The following DLG1 variants were observed in gnomAD, a reference collection of about 807,000 sequenced individuals.
DLG1 encodes disks large homolog 1.
DLG1 carries 42 observed loss-of-function variants against 123.4 expected under a neutral mutation model. That is an observed-to-expected ratio of 0.34 (90% CI 0.27 to 0.44). The LOEUF (loss-of-function observed/expected upper bound fraction) is 0.44. DLG1 is among the 20% of genes least tolerant of loss of function. The pLI is 1.00. For missense variants in DLG1, 942 were observed against 1,082.6 expected, an observed-to-expected ratio of 0.87 and a Z score of 1.82; for synonymous variants, 317 against 356.2, an observed-to-expected ratio of 0.89 and a Z score of 1.24.
At chr3:197,247,769 A>G (rs1234831012) in intron 4 of DLG1, among the ~76,000 whole-genome samples, 1 of 152,134 alleles carries the variant, frequency 6.6e-6, no homozygotes, top group Non-Finnish European at 1.5e-5. Flanking sequence ...TATTAGCCTT[A>G]TACTTTCTGT....
intron 5 of DLG1, among the ~76,000 whole-genome samples, chr3:197,168,267 G>C (rs1802388889): frequency 6.6e-6 from 1 of 152,116 alleles, no homozygotes; most frequent in Non-Finnish European, 1.5e-5. Context: ...AAGAACATAG[G>C]CCCCTGCCTC....
At chr3:197,054,334 C>T (rs74334660) in intron 23 of DLG1, among the ~76,000 whole-genome samples, 78 of 85,324 alleles carry the variant, frequency 9.1e-4, no homozygotes, top group Admixed American at 3.1e-3. Flanking sequence ...TCTCTGCCTT[C>T]TCTCTATTCT....
At chr3:197,162,034 G>A (rs1798981325) in intron 5 of DLG1, among the ~76,000 whole-genome samples, 1 of 152,174 alleles carries the variant, frequency 6.6e-6, no homozygotes, top group Non-Finnish European at 1.5e-5. Context: ...TTCTCTGGGA[G>A]ATAAGACACT....
At chr3:197,129,908 A>G (rs141861045) in intron 11 of DLG1, among the ~76,000 whole-genome samples, 2 of 152,306 alleles carry the variant, frequency 1.3e-5, no homozygotes, top group Admixed American at 6.5e-5. Flanking sequence ...TTAAAATAGT[A>G]ACATCAAAGA....
At chr3:197,051,059 A>C (rs1350330891) in intron 24 of DLG1, among the ~76,000 whole-genome samples, 4 of 152,178 alleles carry the variant, frequency 2.6e-5, no homozygotes, top group Non-Finnish European at 5.9e-5. Context: ...GTTCTAATCA[A>C]TAACCTAAGA....
intron 23 of DLG1, 149 bp from the exon 24 acceptor site, chr3:197,051,817 C>T: frequency 1.0e-4 from 42 of 419,108 alleles, no homozygotes; most frequent in Middle Eastern, 1.4e-3. Flanking sequence ...TTGAGTCATT[C>T]TGGTCATTTC....
rs148452944 is a variant in DLG1 at position 197,126,489 on chromosome 3, C to T, written c.1165+4038G>A. ...TCTTAAAAAAAAAAAACAACATAATCATAATCAGGGCACTAATACTCAATT... is the reference window on the plus strand; with the variant it reads ...TCTTAAAAAAAAAAAACAACATAATTATAATCAGGGCACTAATACTCAATT... On this transcript the variant is annotated intron_variant, in intron 11 of 24. Transcript: ENST00000667157. 3.8e-4 allele frequency among the ~76,000 whole-genome samples: 57 copies of T among 151,280 alleles called. 1 individual carries two copies. In the East Asian group the frequency reaches 0.011, roughly 28 times the overall value.
chr3:197,271,513 C>A (rs1006100558), intron 4 of DLG1, among the ~76,000 whole-genome samples: 3 of 152,244 alleles, frequency 2.0e-5, no homozygotes, highest in African/African-American at 7.2e-5. Context: ...GCCTCAGGTT[C>A]TGCTTTTAGG....
intron 5 of DLG1, among the ~76,000 whole-genome samples, chr3:197,160,243 G>C (rs1392573648): frequency 2.0e-5 from 3 of 151,914 alleles, no homozygotes; most frequent in African/African-American, 2.4e-5. Context: ...ATTCTGAATA[G>C]GAAAAGACAG....
At chr3:197,141,599 CTT>C (rs1207545739) in intron 7 of DLG1, among the ~76,000 whole-genome samples, 1 of 152,118 alleles carries the variant, frequency 6.6e-6, no homozygotes, top group Non-Finnish European at 1.5e-5. Flanking sequence ...GGATTTCAGT[CTT>C]GAGTATACAC....
chr3:197,174,602 T>C (rs767859633), intron 5 of DLG1, among the ~76,000 whole-genome samples: 2 of 152,214 alleles, frequency 1.3e-5, no homozygotes, highest in Non-Finnish European at 2.9e-5. Context: ...TAATTCTTAA[T>C]ATTGATATGC....
intron 14 of DLG1, among the ~76,000 whole-genome samples, chr3:197,094,070 G>A (rs986373952): frequency 2.0e-5 from 3 of 152,066 alleles, no homozygotes; most frequent in African/African-American, 4.8e-5. Context: ...TACTGCAGAG[G>A]TCACATGATG....
chr3:197,291,254 T>C (rs443303), intron 3 of DLG1, among the ~76,000 whole-genome samples: 41,845 of 151,146 alleles, frequency 0.28, 6,165 homozygotes, highest in Middle Eastern at 0.38. Context: ...CAGCCAACGA[T>C]GTGATCCATA....
At chr3:197,129,433 C>T (rs1257903030) in intron 11 of DLG1, among the ~76,000 whole-genome samples, 4 of 152,200 alleles carry the variant, frequency 2.6e-5, no homozygotes, top group Admixed American at 1.3e-4. Context: ...CTGGATTAGG[C>T]TTTGGTTTGA....
intron 13 of DLG1, among the ~76,000 whole-genome samples, chr3:197,108,420 G>A (rs567733019): frequency 2.2e-4 from 34 of 152,204 alleles, no homozygotes; most frequent in Admixed American, 1.2e-3. Flanking sequence ...GCAGCCATCT[G>A]GTCCTGGGAT....
chr3:197,185,746 G>C (rs1372753803), intron 5 of DLG1, among the ~76,000 whole-genome samples: 1 of 152,146 alleles, frequency 6.6e-6, no homozygotes, highest in Non-Finnish European at 1.5e-5. Flanking sequence ...GGAGAAAACT[G>C]ATATGGGTTC....
intron 4 of DLG1, among the ~76,000 whole-genome samples, chr3:197,208,912 G>T (rs1183733539): frequency 6.9e-6 from 1 of 145,576 alleles, no homozygotes; most frequent in Non-Finnish European, 1.5e-5. Context: ...CCTTTAGAAT[G>T]AAAAAAATTT....
chr3:197,045,423 G>GTAAC lies in DLG1; in HGVS notation c.2576-698_2576-695dup, dbSNP rs145113361. ...TATCGCTAGACAGCACTAAGCATGA[G>GTAAC]TAACTAACTTTTTAAGAAAGAAAGA... On this transcript the variant is annotated intron_variant, in intron 24 of 24. Coordinates refer to ENST00000667157, the MANE Select transcript of DLG1 (RefSeq NM_001366207.1). Among the ~76,000 whole-genome samples the GTAAC allele has an allele frequency of 9.2e-3, 1,399 of 152,206 alleles. 15 individuals are homozygous for GTAAC. Among genetic ancestry groups the GTAAC allele is most frequent in the South Asian group, 0.021 (103 of 4,818 alleles).
chr3:197,104,626 G>C (rs537081470), intron 14 of DLG1, among the ~76,000 whole-genome samples: 1 of 152,176 alleles, frequency 6.6e-6, no homozygotes, highest in East Asian at 1.9e-4. Context: ...AGGTTGCGGT[G>C]AGCTGAGTTC....
Sources: gnomAD v4.1 joint callset for allele counts (sites outside exome capture counted in the v4.1 genomes callset) on GRCh38, gnomAD v4.1.1 for gene constraint, MANE v1.5 for transcripts, NCBI Gene and HGNC (gene_info 2026-07-23, HGNC 2026-07-21) for gene names.